Variants in ARHGEF3 observed in about 807,000 individuals in gnomAD.
ARHGEF3 encodes Rho guanine nucleotide exchange factor 3, also known as 59.8 kDA protein.
In ARHGEF3, 28 loss-of-function variants were observed where a neutral mutation model predicts 63.2. The observed-to-expected ratio is 0.44, with a 90% confidence interval of 0.33 to 0.61. The LOEUF is 0.61. ARHGEF3 is among the 20% of genes least tolerant of loss of function. The probability of loss-of-function intolerance (pLI) is 0.03; values close to 1 mark genes in which losing one functional copy is unlikely to be tolerated. For missense variants in ARHGEF3, 533 were observed against 659.3 expected (o/e 0.81, Z 2.10); for synonymous variants, 266 against 254.2 (o/e 1.05, Z -0.44).
chr3:57,064,980 A>G (rs1705443929), intron 1 of ARHGEF3, among the ~76,000 whole-genome samples: 1 of 152,250 alleles, frequency 6.6e-6, no homozygotes, highest in Non-Finnish European at 1.5e-5. Flanking sequence ...AAGGCAAAAA[A>G]TTAGTAAGTC....
chr3:56,988,683 C>G (rs1701632375), intron 2 of ARHGEF3, among the ~76,000 whole-genome samples: 1 of 152,174 alleles, frequency 6.6e-6, no homozygotes, highest in Non-Finnish European at 1.5e-5. Context: ...TTGCAACTGT[C>G]TCTTTAATTT....
At chr3:57,008,296 G>A (rs1033676622) in intron 2 of ARHGEF3, among the ~76,000 whole-genome samples, 1 of 152,046 alleles carries the variant, frequency 6.6e-6, no homozygotes, top group African/African-American at 2.4e-5. Context: ...TGAAGACCAC[G>A]CTCACGCTTC....
rs1700902092 is a variant in ARHGEF3, at chr3:56,971,322, G to A, written c.63-12433C>T. On this transcript the variant is annotated intron_variant, in intron 2 of 12. Coordinates refer to the ARHGEF3 transcript ENST00000338458. The stretch of plus-strand genomic sequence containing the variant: ...CCCGAAGCAAGCCTGACATGGGGCT[G>A]TGGATCTGTATTCACCCCAGTCATC... Among the ~76,000 whole-genome samples, 4 of 152,288 alleles carry A rather than the reference G, an allele frequency of 2.6e-5. No individual in the cohort carries two copies. The South Asian group carries it at 8.3e-4, about 32-fold the overall frequency.
chr3:57,034,023 C>A lies in ARHGEF3; in HGVS notation c.62+1065G>T, dbSNP rs530742127. ...TTGCACCATTGCACTCTAGCCTGGG[C>A]AACAGAGCAAAAACTCTGTCTCAAA... On this transcript the variant is annotated intron_variant, in intron 2 of 12. Coordinates refer to the ARHGEF3 transcript ENST00000338458. Among the ~76,000 whole-genome samples, 150 of 151,644 alleles carry A rather than the reference C, an allele frequency of 9.9e-4. 2 individuals are homozygous for A. The highest frequency in any genetic ancestry group is 3.3e-3 in the African/African-American group (138 of 41,406).
intron 3 of ARHGEF3, among the ~76,000 whole-genome samples, chr3:56,915,758 G>A (rs986610901): frequency 1.3e-5 from 2 of 152,134 alleles, no homozygotes; most frequent in Non-Finnish European, 1.5e-5. Context: ...TCACTTTAGG[G>A]AAATCTACAA....
intron 2 of ARHGEF3, among the ~76,000 whole-genome samples, chr3:57,019,400 T>C (rs9826009): frequency 0.33 from 49,640 of 151,684 alleles, 8,324 homozygotes; most frequent in African/African-American, 0.37. Context: ...AGTCACAGTC[T>C]TTCTCAGCCT....
At chr3:56,932,621 T>A (rs2042444299) in intron 3 of ARHGEF3, among the ~76,000 whole-genome samples, 1 of 152,196 alleles carries the variant, frequency 6.6e-6, no homozygotes. Context: ...ATAAGTCACA[T>A]CTCTGGTGAC....
At chr3:56,740,951 C>T (rs1273020283) in intron 7 of ARHGEF3, among the ~76,000 whole-genome samples, 1 of 152,176 alleles carries the variant, frequency 6.6e-6, no homozygotes, top group Non-Finnish European at 1.5e-5. Context: ...GATTAATGAA[C>T]TCAAATGCCA....
intron 1 of ARHGEF3, among the ~76,000 whole-genome samples, chr3:56,787,204 C>A (rs571569387): frequency 6.6e-6 from 1 of 152,294 alleles, no homozygotes; most frequent in African/African-American, 2.4e-5. Context: ...GTGGAAGGTT[C>A]TTCTTTTACA....
intron 2 of ARHGEF3, among the ~76,000 whole-genome samples, chr3:57,030,647 G>A (rs1003345387): frequency 1.3e-5 from 2 of 152,140 alleles, no homozygotes; most frequent in Admixed American, 1.3e-4. Flanking sequence ...TCTCTCCTTT[G>A]CACCTGAGGA....
At chr3:56,847,423 A>C (rs941612394) in intron 4 of ARHGEF3, among the ~76,000 whole-genome samples, 1 of 152,196 alleles carries the variant, frequency 6.6e-6, no homozygotes, top group Non-Finnish European at 1.5e-5. Flanking sequence ...GATGCTTTCA[A>C]GGTGGAAGCA....
intron 2 of ARHGEF3, among the ~76,000 whole-genome samples, chr3:56,990,167 G>C (rs1701695309): frequency 6.6e-6 from 1 of 152,326 alleles, no homozygotes; most frequent in African/African-American, 2.4e-5. Context: ...AGAGGGGAGA[G>C]AAACAAGGAC....
At chr3:56,876,563 T>C (rs910140789) in intron 4 of ARHGEF3, among the ~76,000 whole-genome samples, 14 of 149,658 alleles carry the variant, frequency 9.4e-5, no homozygotes, top group African/African-American at 3.5e-4. Flanking sequence ...GAAGAGTGGT[T>C]GTAACAACAA....
At chr3:56,989,469 G>T (rs1701663368) in intron 2 of ARHGEF3, among the ~76,000 whole-genome samples, 1 of 152,204 alleles carries the variant, frequency 6.6e-6, no homozygotes, top group African/African-American at 2.4e-5. Flanking sequence ...TGTACAGAGA[G>T]ACACTCCGAG....
chr3:56,866,763 G>A (rs866537639), intron 4 of ARHGEF3, among the ~76,000 whole-genome samples: 1 of 152,288 alleles, frequency 6.6e-6, no homozygotes, highest in Middle Eastern at 3.4e-3. Flanking sequence ...CCACATGGTG[G>A]GCACCAGGCA....
intron 3 of ARHGEF3, among the ~76,000 whole-genome samples, chr3:56,889,625 G>A (rs1244989942): frequency 1.3e-5 from 2 of 152,208 alleles, no homozygotes; most frequent in East Asian, 3.8e-4. Flanking sequence ...GTGAGTGCTG[G>A]AGAGAGGATT....
At chr3:57,074,804 A>C (rs911666390) in intron 1 of ARHGEF3, 11 of 169,982 alleles carry the variant, frequency 6.5e-5, no homozygotes, top group African/African-American at 2.7e-4. Flanking sequence ...TCCAGCAATG[A>C]CCCCTAGGCT....
chr3:56,872,664 CA>C (rs2040467178), intron 4 of ARHGEF3, among the ~76,000 whole-genome samples: 2 of 152,118 alleles, frequency 1.3e-5, no homozygotes, highest in South Asian at 4.1e-4. Flanking sequence ...CATGCACCCC[CA>C]AGCCCAGCTA....
chr3:56,948,086 C>A (rs1238360399), intron 3 of ARHGEF3, among the ~76,000 whole-genome samples: 6 of 151,956 alleles, frequency 3.9e-5, no homozygotes. Flanking sequence ...CCAACGAGAA[C>A]AAAGACACAA....
Sources: allele counts gnomAD v4.1 joint callset (sites outside exome capture counted in the v4.1 genomes callset), GRCh38; gene constraint gnomAD v4.1.1; transcripts MANE v1.5; gene names NCBI Gene and HGNC (gene_info 2026-07-23, HGNC 2026-07-21).